Variants in ADK observed in about 807,000 individuals in gnomAD.
The protein encoded by ADK is N6,N6-dimethyladenosine kinase.
A neutral mutation model predicts 44.7 loss-of-function variants in ADK; 24 were observed. The observed-to-expected ratio is 0.54, with a 90% confidence interval of 0.39 to 0.76. ADK has a LOEUF of 0.76. Among genes scored for constraint, ADK ranks in the 30% least tolerant of loss-of-function variants. ADK has a pLI of 0.00. For synonymous variants in ADK, 128 were observed against 142.6 expected (o/e 0.90, Z 0.73); for missense variants, 321 against 425.1 (o/e 0.76, Z 2.15).
intron 4 of ADK, among the ~76,000 whole-genome samples, chr10:74,385,988 A>G (rs1383446368): frequency 3.9e-5 from 6 of 152,176 alleles, no homozygotes; most frequent in Non-Finnish European, 8.8e-5. Context: ...TTTTTTAAGG[A>G]AAGAAGCATA....
At chr10:74,472,390 GTTTTT>G (rs1394685887) in intron 6 of ADK, among the ~76,000 whole-genome samples, 2 of 151,908 alleles carry the variant, frequency 1.3e-5, no homozygotes, top group Non-Finnish European at 2.9e-5. Flanking sequence ...TTGCCAAATA[GTTTTT>G]CTGCATCAAT....
intron 1 of ADK, among the ~76,000 whole-genome samples, chr10:74,155,557 T>G (rs1352710319): frequency 6.6e-6 from 1 of 152,132 alleles, no homozygotes; most frequent in Non-Finnish European, 1.5e-5. Context: ...TGAGACAGAG[T>G]CTCGCTCTGT....
chr10:74,554,883 A>T (rs1850183637), intron 7 of ADK, among the ~76,000 whole-genome samples: 1 of 152,204 alleles, frequency 6.6e-6, no homozygotes, highest in Non-Finnish European at 1.5e-5. Context: ...ATATATGCAA[A>T]TGTAGCTTAT....
intron 4 of ADK, among the ~76,000 whole-genome samples, chr10:74,348,495 C>T (rs992101633): frequency 5.3e-5 from 8 of 152,044 alleles, no homozygotes; most frequent in Non-Finnish European, 7.4e-5. Flanking sequence ...AGCGCAAAAA[C>T]GGTGAAAATT....
intron 3 of ADK, among the ~76,000 whole-genome samples, chr10:74,298,981 G>C (rs1374319444): frequency 6.6e-6 from 1 of 152,124 alleles, no homozygotes; most frequent in Non-Finnish European, 1.5e-5. Context: ...AAAGAAGATA[G>C]TGGTTTTACT....
chr10:74,498,076 G>C (rs963810409), intron 6 of ADK, among the ~76,000 whole-genome samples: 1 of 151,828 alleles, frequency 6.6e-6, no homozygotes, highest in Non-Finnish European at 1.5e-5. Flanking sequence ...TTTTTAGTAG[G>C]GATGGGATTT....
At chr10:74,640,117 C>A (rs1040745963) in intron 9 of ADK, among the ~76,000 whole-genome samples, 2 of 152,168 alleles carry the variant, frequency 1.3e-5, no homozygotes, top group African/African-American at 2.4e-5. Context: ...CCTCTTTGAA[C>A]AAAGCCTCTT....
In ADK at chr10:74,286,979, G is replaced by A. The variant is rs113401816; in HGVS notation, c.195-27688G>A. Among the ~76,000 whole-genome samples, 800 of 152,164 alleles carry A rather than the reference G, an allele frequency of 5.3e-3. 12 individuals are homozygous for A. The highest frequency in any genetic ancestry group is 0.017 in the African/African-American group (726 of 41,508). ...TGGGATTACAAGCATGAGCCACCGC[G>A]AGTGGTCTTTATCATTATTATCGCT... On this transcript the variant is annotated intron_variant, in intron 3 of 10. Coordinates refer to ENST00000539909, the MANE Select transcript of ADK (RefSeq NM_006721.4).
chr10:74,256,320 C>A (rs1216369740), intron 3 of ADK, among the ~76,000 whole-genome samples: 1 of 152,134 alleles, frequency 6.6e-6, no homozygotes, highest in African/African-American at 2.4e-5. Flanking sequence ...TGAAAGAGTA[C>A]TTAACATTAT....
chr10:74,152,873 T>C (rs2894228), intron 1 of ADK, among the ~76,000 whole-genome samples: 80,964 of 152,030 alleles, frequency 0.53, 22,556 homozygotes, highest in Middle Eastern at 0.62. Flanking sequence ...ATTCACTTTA[T>C]ACAATATGAA....
At chr10:74,317,362 G>T (rs1840659314) in intron 4 of ADK, among the ~76,000 whole-genome samples, 1 of 152,114 alleles carries the variant, frequency 6.6e-6, no homozygotes, top group Non-Finnish European at 1.5e-5. Context: ...CTTTCTTAAT[G>T]AACACTTTTG....
chr10:74,600,246 G>T (rs746679444), intron 8 of ADK, 133 bp from the exon 9 acceptor site: 3 of 616,332 alleles, frequency 4.9e-6, no homozygotes, highest in Non-Finnish European at 8.7e-6. Context: ...TATGGTTAAA[G>T]AAATTTTTAA....
chr10:74,255,652 A>C (rs751481651), intron 3 of ADK, among the ~76,000 whole-genome samples: 2 of 152,214 alleles, frequency 1.3e-5, no homozygotes, highest in Non-Finnish European at 1.5e-5. Flanking sequence ...GGAATGAATG[A>C]AAGAAAAATT....
At chr10:74,598,921 T>C (rs993979964) in intron 8 of ADK, among the ~76,000 whole-genome samples, 1 of 152,204 alleles carries the variant, frequency 6.6e-6, no homozygotes, top group Admixed American at 6.5e-5. Context: ...CCTATAGTAG[T>C]AAAATATATT....
chr10:74,262,234 C>T (rs554403023), intron 3 of ADK, among the ~76,000 whole-genome samples: 5 of 150,064 alleles, frequency 3.3e-5, no homozygotes, highest in African/African-American at 4.9e-5. Flanking sequence ...GCAGGAGAAT[C>T]GCTTGAACCT....
chr10:74,342,809 G>A (rs1292183074), intron 4 of ADK, among the ~76,000 whole-genome samples: 1 of 151,920 alleles, frequency 6.6e-6, no homozygotes, highest in Non-Finnish European at 1.5e-5. Context: ...GTGTGTGTGT[G>A]TGTGTGTTTT....
intron 2 of ADK, 122 bp from the exon 3 acceptor site, chr10:74,224,416 G>C (rs1245271062): frequency 3.9e-6 from 3 of 760,114 alleles, no homozygotes; most frequent in Non-Finnish European, 7.0e-6. Context: ...GGCATTCTTG[G>C]TGTTTTATCA....
intron 6 of ADK, among the ~76,000 whole-genome samples, chr10:74,422,711 C>T (rs1192465275): frequency 6.6e-6 from 1 of 152,130 alleles, no homozygotes; most frequent in East Asian, 1.9e-4. Context: ...AGAAAACATA[C>T]AATATAAAAT....
intron 1 of ADK, among the ~76,000 whole-genome samples, chr10:74,180,165 G>C (rs186511231): frequency 4.6e-5 from 7 of 151,192 alleles, no homozygotes; most frequent in African/African-American, 1.7e-4. Context: ...GGGCCCCACT[G>C]AGGGCCTTTT....
Sources: allele counts gnomAD v4.1 joint callset (sites outside exome capture counted in the v4.1 genomes callset), GRCh38; gene constraint gnomAD v4.1.1; transcripts MANE v1.5; gene names NCBI Gene and HGNC (gene_info 2026-07-23, HGNC 2026-07-21).